The following CLIC4 variants were observed in gnomAD, a reference collection of about 807,000 sequenced individuals.
CLIC4 encodes CLIC family member 4, also known as chloride intracellular channel protein 4.
CLIC4 carries 13 observed loss-of-function variants against 24.6 expected under a neutral mutation model. The ratio of observed to expected loss-of-function variants is 0.53; its 90% confidence interval spans 0.34 to 0.84. CLIC4 has a LOEUF of 0.84. Among genes scored for constraint, CLIC4 ranks in the 40% least tolerant of loss-of-function variants. CLIC4 has a pLI of 0.01. For missense variants in CLIC4, 227 were observed against 301.7 expected, an observed-to-expected ratio of 0.75 and a Z score of 1.83; for synonymous variants, 104 against 111.3, an observed-to-expected ratio of 0.93 and a Z score of 0.41.
chr1:24,749,642 T>C (rs1459582254), intron 1 of CLIC4, among the ~76,000 whole-genome samples: 2 of 152,192 alleles, frequency 1.3e-5, no homozygotes, highest in Admixed American at 6.5e-5. Context: ...ATCTGGAGGA[T>C]AGATAGGATG....
intron 1 of CLIC4, among the ~76,000 whole-genome samples, chr1:24,789,376 G>A (rs542264130): frequency 3.7e-4 from 57 of 152,242 alleles, no homozygotes; most frequent in Non-Finnish European, 7.4e-4. Context: ...AAATTAGCTG[G>A]GTATGGTGAT....
At chr1:24,772,589 G>A (rs547122002) in intron 1 of CLIC4, among the ~76,000 whole-genome samples, 1 of 152,242 alleles carries the variant, frequency 6.6e-6, no homozygotes, top group South Asian at 2.1e-4. Context: ...AGATTCAAGC[G>A]ATTCTCCTGC....
intron 3 of CLIC4, among the ~76,000 whole-genome samples, chr1:24,820,063 G>GTGTATATATATATATA: frequency 8.9e-5 from 1 of 11,224 alleles, no homozygotes; most frequent in Non-Finnish European, 2.1e-4. Flanking sequence ...AAAAAAAAAA[G>GTGTATATATATATATA]TATGTATATA....
At chr1:24,770,522 A>G (rs965071379) in intron 1 of CLIC4, among the ~76,000 whole-genome samples, 2 of 152,182 alleles carry the variant, frequency 1.3e-5, no homozygotes, top group Non-Finnish European at 2.9e-5. Flanking sequence ...TACCAAACTG[A>G]TTAGTCTTAT....
intron 3 of CLIC4, among the ~76,000 whole-genome samples, chr1:24,819,676 T>A (rs1024558524): frequency 7.9e-5 from 12 of 151,884 alleles, no homozygotes; most frequent in Non-Finnish European, 1.8e-4. Flanking sequence ...GGACCTCAGG[T>A]GATCCACCCG....
At chr1:24,836,923 T>G (rs991304980) in intron 4 of CLIC4, among the ~76,000 whole-genome samples, 6 of 152,292 alleles carry the variant, frequency 3.9e-5, no homozygotes, top group Middle Eastern at 3.4e-3. Flanking sequence ...ATCCACAGAT[T>G]GAAAAAGAAT....
At chr1:24,804,866 C>G (rs772213969) in intron 2 of CLIC4, among the ~76,000 whole-genome samples, 1 of 151,648 alleles carries the variant, frequency 6.6e-6, no homozygotes, top group African/African-American at 2.4e-5. Context: ...TTTGAGAGGC[C>G]GGGGCAGGTG....
intron 3 of CLIC4, among the ~76,000 whole-genome samples, chr1:24,821,857 A>G (rs1205189190): frequency 4.6e-5 from 7 of 152,284 alleles, no homozygotes; most frequent in African/African-American, 1.4e-4. Flanking sequence ...AAGTGCTGGG[A>G]TTACAGGCGT....
At chr1:24,784,003 ATTTTT>A (rs552630401) in intron 1 of CLIC4, among the ~76,000 whole-genome samples, 1 of 130,260 alleles carries the variant, frequency 7.7e-6, no homozygotes, top group Non-Finnish European at 1.7e-5. Flanking sequence ...TCCAGTTTTG[ATTTTT>A]TTTTTTTTTT....
At chr1:24,797,702 C>A in intron 1 of CLIC4, 40 bp from the exon 2 acceptor site, 2 of 1,403,298 alleles carry the variant, frequency 1.4e-6, no homozygotes, top group South Asian at 1.2e-5. Context: ...TGAGTATCAT[C>A]ACTTTGACCT....
Position 24,820,267 on chromosome 1 carries a change from CTT to C in CLIC4, c.308+6072_308+6073del, listed in dbSNP as rs372726009. 2.2e-3 allele frequency among the ~76,000 whole-genome samples: 110 copies of C among 49,770 alleles called. 1 individual carries two copies. The highest frequency in any genetic ancestry group is 9.5e-3 in the African/African-American group (106 of 11,110). 32.7% of individuals were successfully genotyped at this position (49,770 alleles called of 152,430 possible). A position where few individuals can be genotyped will look rare whatever the true frequency, so the allele number is the denominator to read the frequency against. ...TCCCACTTCTAGGTCCCTTTTTGGT[CTT>C]TTTTTTTTTTTTTTTTTTTTTTTGA... On this transcript the variant is annotated intron_variant, in intron 3 of 5. Coordinates refer to ENST00000374379, the MANE Select transcript of CLIC4 (RefSeq NM_013943.3).
rs149063849 is a variant in CLIC4, at chr1:24,786,450, G to A, written c.73-11292G>A. Among the ~76,000 whole-genome samples the A allele has an allele frequency of 2.4e-3, 372 of 152,280 alleles. 1 individual carries two copies. The highest frequency in any genetic ancestry group is 4.3e-3 in the Non-Finnish European group (293 of 68,030). ...TTACCACAGGGGTGTGAAGGGAAGA[G>A]GGTGAGGCTAGTGAGGAACACCCAG... On this transcript the variant is annotated intron_variant, in intron 1 of 5. Coordinates refer to ENST00000374379, the MANE Select transcript of CLIC4 (RefSeq NM_013943.3).
At chr1:24,806,699 C>G (rs1639553628) in intron 2 of CLIC4, among the ~76,000 whole-genome samples, 1 of 152,146 alleles carries the variant, frequency 6.6e-6, no homozygotes. Flanking sequence ...ACCATCAGCT[C>G]TATTAAAGTT....
At chr1:24,817,620 A>C (rs1639684699) in intron 3 of CLIC4, among the ~76,000 whole-genome samples, 1 of 152,200 alleles carries the variant, frequency 6.6e-6, no homozygotes, top group African/African-American at 2.4e-5. Context: ...TGTTCACTGG[A>C]ATAGCACTAT....
chr1:24,810,331 C>A (rs559502985), intron 2 of CLIC4, among the ~76,000 whole-genome samples: 14 of 152,278 alleles, frequency 9.2e-5, no homozygotes, highest in Non-Finnish European at 1.8e-4. Context: ...AACAGTCCCC[C>A]ACCTGTGTCT....
At chr1:24,814,025 G>A in intron 2 of CLIC4, 69 bp from the exon 3 acceptor site, 1 of 1,595,790 alleles carries the variant, frequency 6.3e-7, no homozygotes, top group Non-Finnish European at 8.6e-7. Context: ...CCAACTTTGA[G>A]AATTTAAAGT....
chr1:24,797,562 GAAA>G (rs71032862), intron 1 of CLIC4, among the ~76,000 whole-genome samples, 177 bp from the exon 2 acceptor site: 1 of 124,980 alleles, frequency 8.0e-6, no homozygotes, highest in Non-Finnish European at 1.6e-5. Flanking sequence ...CTCAAAAAAA[GAAA>G]AAAAAAAAAA....
intron 1 of CLIC4, among the ~76,000 whole-genome samples, chr1:24,765,037 G>A (rs1196227548): frequency 6.6e-6 from 1 of 152,150 alleles, no homozygotes; most frequent in Non-Finnish European, 1.5e-5. Flanking sequence ...TCTTAGATGG[G>A]ATAATATTTT....
chr1:24,750,159 GT>G (rs1026589649), intron 1 of CLIC4, among the ~76,000 whole-genome samples: 24 of 152,060 alleles, frequency 1.6e-4, no homozygotes, highest in African/African-American at 5.8e-4. Flanking sequence ...TGGGAGGATT[GT>G]TTGAGCCCAG....
Sources: allele counts gnomAD v4.1 joint callset (sites outside exome capture counted in the v4.1 genomes callset), GRCh38; gene constraint gnomAD v4.1.1; transcripts MANE v1.5; gene names NCBI Gene and HGNC (gene_info 2026-07-23, HGNC 2026-07-21).